The following NBPF15 variants were observed in gnomAD, a reference collection of about 807,000 sequenced individuals.
The protein encoded by NBPF15 is NBPF member 15, also known as NBPF family member NBPF15.
Under a neutral mutation model 62.2 loss-of-function variants are expected in NBPF15, and 74 were observed. The observed-to-expected ratio is 1.19, with a 90% CI of 0.99 to 1.44. NBPF15 has a LOEUF of 1.44. NBPF15 is among the 40% of genes most tolerant of loss of function. The probability of loss-of-function intolerance (pLI) is 0.00; values close to 1 mark genes in which losing one functional copy is unlikely to be tolerated. For synonymous variants in NBPF15, 244 were observed against 209.7 expected, an observed-to-expected ratio of 1.16 and a Z score of -1.41; for missense variants, 790 against 550.0, an observed-to-expected ratio of 1.44 and a Z score of -4.36.
chr1:144,447,189 A>T (rs1476561802), intron 6 of NBPF15, among the ~76,000 whole-genome samples: 4 of 152,388 alleles, frequency 2.6e-5, no homozygotes, highest in Admixed American at 2.0e-4. Flanking sequence ...TCCCGCCATG[A>T]CCTCCAGCCT....
chr1:144,435,260 G>A lies in NBPF15; in HGVS notation c.623C>T (p.Ala208Val). Residue 208 changes from alanine (A) to valine (V), a missense_variant, in exon 12 of 22, where the codon GCC (alanine) becomes GTC (valine). Coordinates refer to ENST00000581897, the MANE Select transcript of NBPF15 (RefSeq NM_001385408.1). Reference sequence around the variant, plus strand: ...GCCATGGCTATTTGAACAAGTGATGGCACATTCCTCCAGTGAGTCCTCAGG... The same window carrying A: ...GCCATGGCTATTTGAACAAGTGATGACACATTCCTCCAGTGAGTCCTCAGG... Reference protein sequence around the residue: ...EVPEDSLEECAITCSNSHGPY... With the variant: ...EVPEDSLEECVITCSNSHGPY... 1 of 1,612,618 alleles carries A rather than the reference G, an allele frequency of 6.2e-7. No homozygotes were observed. Among genetic ancestry groups the A allele is most frequent in the Non-Finnish European group, 8.5e-7 (1 of 1,179,598 alleles).
chr1:144,438,798 A>G (rs1680619845), intron 8 of NBPF15, among the ~76,000 whole-genome samples: 1 of 151,852 alleles, frequency 6.6e-6, no homozygotes, highest in Admixed American at 6.6e-5. Context: ...GACAGACAAG[A>G]CAAGCAACTT....
In NBPF15 at chr1:144,456,731, A is replaced by C. The variant is rs1469123974; in HGVS notation, c.-626T>G. 2.8e-6 allele frequency: 3 copies of C among 1,081,030 alleles called. No individual in the cohort carries two copies. Among genetic ancestry groups the C allele is most frequent in the Non-Finnish European group, 3.5e-6 (3 of 853,284 alleles). The allele number at this position is 1,081,030 out of a possible 1,614,324, so 67.0% of individuals were successfully genotyped here. Reference sequence around the variant, plus strand: ...TCCAGGACACCCTCAGGAGGACGGTAAGGGACGGTAAGGTGAGAGCCTGGG... The same window carrying C: ...TCCAGGACACCCTCAGGAGGACGGTCAGGGACGGTAAGGTGAGAGCCTGGG... On this transcript the variant is annotated 5_prime_UTR_variant, in exon 4 of 22. Coordinates refer to ENST00000581897, the MANE Select transcript of NBPF15 (RefSeq NM_001385408.1).
chr1:144,432,806 C>T (rs1433985900), intron 13 of NBPF15, among the ~76,000 whole-genome samples: 2 of 149,008 alleles, frequency 1.3e-5, no homozygotes, highest in Non-Finnish European at 2.9e-5. Flanking sequence ...ATTCATAAAG[C>T]AAGTCCTGAG....
intron 10 of NBPF15, among the ~76,000 whole-genome samples, chr1:144,436,239 C>T (rs1417694007): frequency 2.6e-5 from 4 of 151,970 alleles, no homozygotes; most frequent in African/African-American, 9.7e-5. Flanking sequence ...AGCAGACAAA[C>T]TTGTCCCACA....
intron 6 of NBPF15, among the ~76,000 whole-genome samples, chr1:144,445,135 T>C (rs1441741879): frequency 6.6e-6 from 1 of 151,420 alleles, no homozygotes; most frequent in Non-Finnish European, 1.5e-5. Context: ...TCTTTTCCTA[T>C]GCTAACTGAC....
At chr1:144,445,449 C>A (rs1553543817) in intron 6 of NBPF15, among the ~76,000 whole-genome samples, 1 of 145,298 alleles carries the variant, frequency 6.9e-6, no homozygotes. Flanking sequence ...ATGTGAGTAT[C>A]TATTTCTGGA....
Position 144,424,155 on chromosome 1 carries a change from C to A in NBPF15, c.1664-180G>T, listed in dbSNP as rs587755838. 2.2e-4 allele frequency among the ~76,000 whole-genome samples: 33 copies of A among 152,130 alleles called. 1 individual carries two copies. Among genetic ancestry groups the A allele is most frequent in the African/African-American group, 7.2e-4 (30 of 41,482 alleles). ...TGATATAAATTCCTCAGTTTTTCTC[C>A]CAGAAACTGTGGGTAAAGTGTCCCT... is the stretch of plus-strand genomic sequence containing the variant. On this transcript the variant is annotated intron_variant, in intron 20 of 21. Coordinates refer to ENST00000581897, the MANE Select transcript of NBPF15 (RefSeq NM_001385408.1).
intron 6 of NBPF15, among the ~76,000 whole-genome samples, chr1:144,442,145 ATAATAT>A (rs1453607218): frequency 3.7e-4 from 4 of 10,958 alleles, no homozygotes; most frequent in Admixed American, 1.7e-3. Flanking sequence ...ATATATATAT[ATAATAT>A]ATATACACGT....
chr1:144,426,946 C>G, intron 17 of NBPF15, 101 bp downstream of exon 17: 1 of 615,020 alleles, frequency 1.6e-6, no homozygotes. Flanking sequence ...GTAATTCAAC[C>G]TTCGTTGAAA....
chr1:144,423,258 T>C lies in NBPF15; in HGVS notation c.1770-2A>G. On this transcript the variant is annotated splice_acceptor_variant, in intron 21 of 21. Transcript: ENST00000581897. LOFTEE classifies it high-confidence loss of function. ...ACTTCCATCAGCACGCCGTAGAGCC[T>C]GGAAAAGGAGACAAAACTAAAGAAG... 6.2e-7 allele frequency: 1 copy of C among 1,611,068 alleles called. No individual in the cohort carries two copies. Among genetic ancestry groups the C allele is most frequent in the Non-Finnish European group, 8.5e-7 (1 of 1,179,550 alleles).
intron 6 of NBPF15, among the ~76,000 whole-genome samples, chr1:144,445,276 A>G (rs1390884889): frequency 8.0e-6 from 1 of 124,866 alleles, no homozygotes; most frequent in Non-Finnish European, 1.6e-5. Flanking sequence ...ATATGTATAT[A>G]TATATATATA....
chr1:144,455,583 T>C (rs1693956061), intron 4 of NBPF15, among the ~76,000 whole-genome samples: 1 of 151,900 alleles, frequency 6.6e-6, no homozygotes, highest in African/African-American at 2.4e-5. Context: ...GCCGCAACCT[T>C]CCCTGCTGCT....
At chr1:144,423,311 G>A (rs1214269578) in intron 21 of NBPF15, 55 bp from the exon 22 acceptor site, 8 of 1,611,094 alleles carry the variant, frequency 5.0e-6, no homozygotes, top group Admixed American at 3.3e-5. Context: ...ACACCACAGA[G>A]CCCCACTAGA....
At chr1:144,425,728 T>G (rs1186807690) in intron 18 of NBPF15, among the ~76,000 whole-genome samples, 160 bp from the exon 19 acceptor site, 1 of 53,556 alleles carries the variant, frequency 1.9e-5, no homozygotes, top group Non-Finnish European at 3.3e-5. Flanking sequence ...GGTCATGATA[T>G]TCTTTGGTTT....
chr1:144,443,405 T>C (rs1222013082), intron 6 of NBPF15, among the ~76,000 whole-genome samples: 2 of 151,798 alleles, frequency 1.3e-5, no homozygotes, highest in South Asian at 2.1e-4. Context: ...CTCCAACTTA[T>C]TGCTTCTTCA....
intron 13 of NBPF15, among the ~76,000 whole-genome samples, chr1:144,431,559 T>A (rs587607247): frequency 0.02 from 2,904 of 148,876 alleles, 71 homozygotes; most frequent in Non-Finnish European, 0.032. Context: ...TAGTTACATA[T>A]GTATACATGT....
intron 8 of NBPF15, among the ~76,000 whole-genome samples, chr1:144,438,646 A>T (rs1680488598): frequency 6.6e-6 from 1 of 152,094 alleles, no homozygotes; most frequent in Non-Finnish European, 1.5e-5. Context: ...AAACAGCAGA[A>T]TGAACAACTA....
At chr1:144,430,609 AG>A (rs1255981562) in intron 13 of NBPF15, among the ~76,000 whole-genome samples, 2 of 150,624 alleles carry the variant, frequency 1.3e-5, no homozygotes, top group African/African-American at 4.9e-5. Flanking sequence ...AAAACCACAA[AG>A]GTGGGGAGAA....
Sources: allele counts gnomAD v4.1 joint callset (sites outside exome capture counted in the v4.1 genomes callset), GRCh38; gene constraint gnomAD v4.1.1; transcripts MANE v1.5; gene names NCBI Gene and HGNC (gene_info 2026-07-23, HGNC 2026-07-21).